Variants in TTLL4 observed in about 807,000 individuals in gnomAD.
TTLL4 encodes tubulin monoglutamylase TTLL4.
Under a neutral mutation model 122.7 loss-of-function variants are expected in TTLL4, and 85 were observed. The ratio of observed to expected loss-of-function variants is 0.69; its 90% confidence interval spans 0.58 to 0.83. The LOEUF (loss-of-function observed/expected upper bound fraction) is 0.83. Ranked by LOEUF, TTLL4 falls within the 40% of genes least tolerant of loss-of-function variation. TTLL4 has a pLI of 0.00. For synonymous variants in TTLL4, 553 were observed against 563.0 expected (o/e 0.98, Z 0.25); for missense variants, 1,363 against 1,488.6 (o/e 0.92, Z 1.39).
chr2:218,723,215 G>A (rs1942096302), intron 1 of TTLL4, among the ~76,000 whole-genome samples: 1 of 152,140 alleles, frequency 6.6e-6, no homozygotes, highest in Admixed American at 6.5e-5. Flanking sequence ...GCTTGCCACA[G>A]TGCCCTCCTT....
At chr2:218,737,122 C>A (rs558829308) in intron 2 of TTLL4, among the ~76,000 whole-genome samples, 2 of 152,254 alleles carry the variant, frequency 1.3e-5, no homozygotes, top group East Asian at 3.9e-4. Context: ...CTCAAATAAT[C>A]TTTAATCTTT....
At chr2:218,759,275 T>C (rs1174347094), downstream of TTLL4, among the ~76,000 whole-genome samples, 4 of 137,624 alleles carry the variant, frequency 2.9e-5, no homozygotes, top group African/African-American at 1.1e-4. Flanking sequence ...AGAGTTCAGG[T>C]GCTGTGGCTC....
intron 2 of TTLL4, among the ~76,000 whole-genome samples, chr2:218,727,576 A>G (rs1182964029): frequency 1.3e-5 from 2 of 152,074 alleles, no homozygotes; most frequent in African/African-American, 4.8e-5. Flanking sequence ...TCTTTGCTAA[A>G]AATAAAAAAA....
Position 218,727,609 on chromosome 2 carries a change from G to A in TTLL4, c.-99+262G>A, listed in dbSNP as rs574227482. Among the ~76,000 whole-genome samples the A allele has an allele frequency of 3.2e-3, 483 of 152,162 alleles. 1 individual carries two copies. Among genetic ancestry groups the A allele is most frequent in the African/African-American group, 0.011 (461 of 41,530 alleles). On this transcript the variant is annotated intron_variant, in intron 2 of 19. Coordinates refer to ENST00000392102, the MANE Select transcript of TTLL4 (RefSeq NM_014640.5). ...AAATTAGCTGGGCATGGTGGCGGGCGCCTGTAGTCCCAGCTACTCAGGAGG... is the reference window on the plus strand; with the variant it reads ...AAATTAGCTGGGCATGGTGGCGGGCACCTGTAGTCCCAGCTACTCAGGAGG...
At chr2:218,749,114 A>C in intron 13 of TTLL4, 139 bp from the exon 14 acceptor site, 1 of 1,322,184 alleles carries the variant, frequency 7.6e-7, no homozygotes, top group Non-Finnish European at 1.0e-6. Context: ...CTGGTCCCAG[A>C]TCAGAGGTGT....
chr2:218,737,167 C>T (rs1007352521), intron 2 of TTLL4, among the ~76,000 whole-genome samples: 1 of 152,150 alleles, frequency 6.6e-6, no homozygotes, highest in Admixed American at 6.6e-5. Context: ...ATACTGAGTC[C>T]TCTCTCTCAC....
chr2:218,720,455 T>G (rs1941999738), intron 1 of TTLL4, among the ~76,000 whole-genome samples: 1 of 152,004 alleles, frequency 6.6e-6, no homozygotes, highest in Non-Finnish European at 1.5e-5. Context: ...TGATGTGATA[T>G]TGTGATATAA....
At chr2:218,728,136 A>G (rs193192979) in intron 2 of TTLL4, 2,603 of 51,316 alleles carry the variant, frequency 0.051, 36 homozygotes, top group Middle Eastern at 0.083. Flanking sequence ...GTGGAAGACA[A>G]TTTTTCCACT....
At chr2:218,751,836 GC>G in intron 16 of TTLL4, 30 bp downstream of exon 16, 2 of 1,562,926 alleles carry the variant, frequency 1.3e-6, no homozygotes, top group African/African-American at 1.4e-5. Flanking sequence ...CCCAGTGCTA[GC>G]AGAAAACTTC....
intron 1 of TTLL4, among the ~76,000 whole-genome samples, chr2:218,722,429 A>G (rs1344521699): frequency 1.3e-5 from 2 of 151,750 alleles, no homozygotes; most frequent in African/African-American, 4.8e-5. Context: ...AATGAAATGG[A>G]GGGAATAAAA....
In TTLL4 at chr2:218,747,890, G is replaced by A; in HGVS notation, c.2378+165G>A. On this transcript the variant is annotated intron_variant, in intron 11 of 19. Coordinates refer to ENST00000392102, the MANE Select transcript of TTLL4 (RefSeq NM_014640.5). The surrounding 1 kb of genome is among the most constrained non-coding windows in gnomAD (Gnocchi z 4.7). ...CTCTACTTCGTTAAATCTGGGGAGG[G>A]TCTTCCTGCATGCGGGACTGAGGTG... 2.5e-6 allele frequency: 3 copies of A among 1,188,960 alleles called. No homozygotes were observed. Among genetic ancestry groups the A allele is most frequent in the Non-Finnish European group, 3.5e-6 (3 of 851,644 alleles). 73.7% of individuals were successfully genotyped at this position (1,188,960 alleles called of 1,614,324 possible). A position where few individuals can be genotyped will look rare whatever the true frequency, so the allele number is the denominator to read the frequency against.
Position 218,752,968 on chromosome 2 carries a change from T to C in TTLL4, c.3182T>C (p.Leu1061Pro), listed in dbSNP as rs1222723636. 3 of 1,614,062 alleles carry C rather than the reference T, an allele frequency of 1.9e-6. No individual in the cohort carries two copies. The highest frequency in any genetic ancestry group is 2.5e-6 in the Non-Finnish European group (3 of 1,180,034). The change falls in exon 17 of 20, where the codon CTT becomes CCT. Residue 1061 changes from leucine (L) to proline (P), a missense_variant. This residue lies in a region of TTLL4 where 596 missense variants were observed against 655.8 expected (regional missense o/e 0.91). Coordinates refer to ENST00000392102, the MANE Select transcript of TTLL4 (RefSeq NM_014640.5). ...QWEQKYHGNK[L>P]KGVDLLRSWC... ...GAACAGAAATACCATGGCAACAAGC[T>C]TAAAGGTGATGTGCCCTCCCTGCCC...
chr2:218,746,981 C>A lies in TTLL4; in HGVS notation c.1975-22C>A, dbSNP rs779312898. 5 of 1,611,034 alleles carry A rather than the reference C, an allele frequency of 3.1e-6. No homozygotes were observed. The East Asian group carries it at 1.1e-4, about 36-fold the overall frequency. On this transcript the variant is annotated intron_variant, in intron 8 of 19. Coordinates refer to ENST00000392102, the MANE Select transcript of TTLL4 (RefSeq NM_014640.5). ...GCCTCACCTCTGCCCTCTTCCTGCA[C>A]TCACCCTTTTCCCTTTTGTAGCTAA...
Position 218,739,034 on chromosome 2 carries a change from G to A in TTLL4, c.1358G>A (p.Gly453Asp). The change falls in exon 3 of 20, where the codon GGT becomes GAT. Residue 453 changes from glycine (G) to aspartate (D), a missense_variant. Coordinates refer to ENST00000392102, the MANE Select transcript of TTLL4 (RefSeq NM_014640.5). ...SSAFGEGKAP[G>D]PPFPQTLGIA... ...GCATTTGGAGAAGGCAAAGCTCCAGGTCCCCCTTTTCCTCAAACTCTTGGC... is the reference window on the plus strand; with the variant it reads ...GCATTTGGAGAAGGCAAAGCTCCAGATCCCCCTTTTCCTCAAACTCTTGGC... The A allele has an allele frequency of 6.2e-7, 1 of 1,614,128 alleles. No homozygotes were observed. The highest frequency in any genetic ancestry group is 8.5e-7 in the Non-Finnish European group (1 of 1,180,030).
Position 218,713,216 on chromosome 2 carries a change from C to CA in TTLL4, c.-178+2188dup, listed in dbSNP as rs964590281. Among the ~76,000 whole-genome samples, 103 of 150,904 alleles carry CA rather than the reference C, an allele frequency of 6.8e-4. 1 individual carries two copies. The highest frequency in any genetic ancestry group is 1.4e-3 in the Admixed American group (21 of 15,130). ...GCAACATGGCGAAACCTCTTCTCTA[C>CA]AAAAAAAAATATGTAAAAATTAGCC... On this transcript the variant is annotated intron_variant, in intron 1 of 19. Coordinates refer to ENST00000392102, the MANE Select transcript of TTLL4 (RefSeq NM_014640.5).
rs1942012845 is a variant in TTLL4, at chr2:218,720,778, C to G, written c.-177-6491C>G. On this transcript the variant is annotated intron_variant, in intron 1 of 19. Transcript: ENST00000392102. ...TAAGTGATAAGTGTCTTTTTATATG[C>G]TAATGAGATGATTGATAGCTGGGGA... Among the ~76,000 whole-genome samples, 2 of 151,960 alleles carry G rather than the reference C, an allele frequency of 1.3e-5. 1 individual carries two copies. Among genetic ancestry groups the G allele is most frequent in the South Asian group, 4.1e-4 (2 of 4,820 alleles).
At chr2:218,728,258 T>C (rs565427228) in intron 2 of TTLL4, among the ~76,000 whole-genome samples, 12 of 152,324 alleles carry the variant, frequency 7.9e-5, no homozygotes, top group Non-Finnish European at 1.6e-4. Context: ...GAAATAATTA[T>C]ATAACTCACC....
intron 1 of TTLL4, among the ~76,000 whole-genome samples, chr2:218,725,562 CT>C (rs913826483): frequency 3.0e-4 from 45 of 148,328 alleles, no homozygotes; most frequent in Admixed American, 1.5e-3. Context: ...TTTATATTGC[CT>C]TTTTTTTTTG....
chr2:218,753,444 C>A, intron 18 of TTLL4, 140 bp from the exon 19 acceptor site: 1 of 929,846 alleles, frequency 1.1e-6, no homozygotes, highest in Non-Finnish European at 1.7e-6. Flanking sequence ...CTTTTACCCA[C>A]CTGGGCCCAT....
Sources: allele counts gnomAD v4.1 joint callset (sites outside exome capture counted in the v4.1 genomes callset), GRCh38; gene constraint gnomAD v4.1.1; regional missense constraint gnomAD v4.1.1; non-coding constraint Gnocchi (gnomAD v3.1); transcripts MANE v1.5; gene names NCBI Gene and HGNC (gene_info 2026-07-23, HGNC 2026-07-21).